LMAN1: variants seen among roughly 807,000 people sequenced by gnomAD.
The protein encoded by LMAN1 is lectin, mannose binding 1.
Under a neutral mutation model 67.8 loss-of-function variants are expected in LMAN1, and 32 were observed. That is an observed-to-expected ratio of 0.47 (90% CI 0.36 to 0.63). The LOEUF is 0.63. LMAN1 is among the 30% of genes least tolerant of loss of function. LMAN1 has a pLI of 0.00. For synonymous variants in LMAN1, 235 were observed against 219.3 expected (o/e 1.07, Z -0.63); for missense variants, 632 against 628.2 (o/e 1.01, Z -0.06).
chr18:59,328,539 CA>C lies in LMAN1; in HGVS notation c.*2553del, dbSNP rs1774968347. ...TGACAATAAAAATATATTATCTTCTCAGCTCAGCTCTAAATTAACAAAACAC... is the reference window on the plus strand; with the variant it reads ...TGACAATAAAAATATATTATCTTCTCGCTCAGCTCTAAATTAACAAAACAC... On this transcript the variant is annotated 3_prime_UTR_variant, in exon 13 of 13. Transcript: ENST00000251047. The C allele has an allele frequency of 1.3e-5, 2 of 152,296 alleles. No individual in the cohort carries two copies. Among genetic ancestry groups the C allele is most frequent in the African/African-American group, 4.8e-5 (2 of 41,560 alleles). 9.4% of individuals were successfully genotyped at this position (152,296 alleles called of 1,614,324 possible). A position where few individuals can be genotyped will look rare whatever the true frequency, so the allele number is the denominator to read the frequency against.
Position 59,331,595 on chromosome 18 carries a change from A to G in LMAN1, c.1375-56T>C. On this transcript the variant is annotated intron_variant, in intron 11 of 12. Coordinates refer to ENST00000251047, the MANE Select transcript of LMAN1 (RefSeq NM_005570.4). ...AGTCAAAATAGCAGTTTGGAAAAAG[A>G]AATAAATGTGAAATCTTTATAAAAC... is the stretch of plus-strand genomic sequence containing the variant. 6 of 1,571,620 alleles carry G rather than the reference A, an allele frequency of 3.8e-6. 1 individual carries two copies. In the South Asian group the frequency reaches 6.7e-5, roughly 17 times the overall value.
chr18:59,348,523 G>A (rs1908471081), intron 6 of LMAN1, among the ~76,000 whole-genome samples: 1 of 152,164 alleles, frequency 6.6e-6, no homozygotes, highest in South Asian at 2.1e-4. Flanking sequence ...TGGGTTGTCA[G>A]GAACAATCCA....
At chr18:59,332,726 G>T (rs775035177) in intron 11 of LMAN1, among the ~76,000 whole-genome samples, 1 of 152,080 alleles carries the variant, frequency 6.6e-6, no homozygotes, top group Non-Finnish European at 1.5e-5. Flanking sequence ...GAAGGTAAAT[G>T]AAGCTAACAA....
intron 11 of LMAN1, among the ~76,000 whole-genome samples, chr18:59,332,532 T>C (rs938690675): frequency 1.3e-5 from 2 of 152,128 alleles, no homozygotes; most frequent in African/African-American, 4.8e-5. Flanking sequence ...CTAAAGGTCA[T>C]CAAACGTTTT....
chr18:59,352,886 G>C (rs1908574504), intron 5 of LMAN1: 1 of 356,616 alleles, frequency 2.8e-6, no homozygotes, highest in African/African-American at 2.1e-5. Flanking sequence ...TTTGTATCCT[G>C]AAGGCTTGGA....
At chr18:59,331,898 C>A (rs1401322736) in intron 11 of LMAN1, among the ~76,000 whole-genome samples, 1 of 152,124 alleles carries the variant, frequency 6.6e-6, no homozygotes, top group African/African-American at 2.4e-5. Flanking sequence ...ATTATTAGCA[C>A]CCCTTCATTC....
chr18:59,347,851 T>C (rs981320436), intron 6 of LMAN1, among the ~76,000 whole-genome samples: 1 of 152,210 alleles, frequency 6.6e-6, no homozygotes, highest in African/African-American at 2.4e-5. Flanking sequence ...TTAATCAATG[T>C]TTGATAAGAA....
rs1184350937 is a variant in LMAN1, at chr18:59,328,383, C to T, written c.*2710G>A. 2.0e-5 allele frequency: 3 copies of T among 152,030 alleles called. No homozygotes were observed. Among genetic ancestry groups the T allele is most frequent in the Admixed American group, 2.0e-4 (3 of 15,256 alleles). 9.4% of individuals were successfully genotyped at this position (152,030 alleles called of 1,614,324 possible). On this transcript the variant is annotated 3_prime_UTR_variant, in exon 13 of 13. Coordinates refer to ENST00000251047, the MANE Select transcript of LMAN1 (RefSeq NM_005570.4). The stretch of plus-strand genomic sequence containing the variant: ...GATTTCATAAGATTAAAAGCCATCA[C>T]GAAAATACTGAAAGCAACAGGTAAT...
chr18:59,354,239 G>T (rs1171010733), intron 4 of LMAN1, among the ~76,000 whole-genome samples: 1 of 152,114 alleles, frequency 6.6e-6, no homozygotes, highest in Non-Finnish European at 1.5e-5. Context: ...TGGCATCACT[G>T]AGAGCCAGGA....
chr18:59,333,696 T>G (rs1019209166), intron 10 of LMAN1: 2 of 156,528 alleles, frequency 1.3e-5, no homozygotes, highest in Non-Finnish European at 2.8e-5. Flanking sequence ...CAGCATATAG[T>G]AGGAGGCTAA....
intron 10 of LMAN1, among the ~76,000 whole-genome samples, chr18:59,335,875 C>T (rs548769629): frequency 1.7e-4 from 26 of 152,258 alleles, no homozygotes; most frequent in African/African-American, 2.9e-4. Flanking sequence ...CACAGGGATA[C>T]GAGCTAACAA....
intron 8 of LMAN1, among the ~76,000 whole-genome samples, chr18:59,342,471 C>T (rs546336367): frequency 2.6e-5 from 4 of 152,074 alleles, no homozygotes; most frequent in African/African-American, 4.8e-5. Context: ...TAATACAGCA[C>T]GATCAAGGTG....
intron 5 of LMAN1, among the ~76,000 whole-genome samples, chr18:59,352,321 C>T (rs1908561468): frequency 6.6e-6 from 1 of 152,172 alleles, no homozygotes; most frequent in Admixed American, 6.5e-5. Context: ...CTCCTTGACT[C>T]AACAACTGTG....
chr18:59,331,708 G>T, intron 11 of LMAN1, 169 bp from the exon 12 acceptor site: 1 of 682,720 alleles, frequency 1.5e-6, no homozygotes, highest in Non-Finnish European at 2.4e-6. Flanking sequence ...TGTTTTTGAA[G>T]GAGTAGTTGA....
At chr18:59,357,742 T>G (rs1908691209) in intron 1 of LMAN1, among the ~76,000 whole-genome samples, 1 of 152,200 alleles carries the variant, frequency 6.6e-6, no homozygotes, top group Admixed American at 6.5e-5. Context: ...ATTCAGTAAT[T>G]ACTTTCTAGA....
intron 1 of LMAN1, among the ~76,000 whole-genome samples, chr18:59,358,373 G>A (rs1336346123): frequency 2.6e-5 from 4 of 152,176 alleles, no homozygotes; most frequent in Admixed American, 2.6e-4. Context: ...TACATAATGT[G>A]TTACTACGAG....
chr18:59,342,502 A>C (rs1908310268), intron 8 of LMAN1, among the ~76,000 whole-genome samples: 1 of 152,182 alleles, frequency 6.6e-6, no homozygotes, highest in Non-Finnish European at 1.5e-5. Flanking sequence ...CAGGGATGCA[A>C]GGAGGGTTCA....
intron 10 of LMAN1, among the ~76,000 whole-genome samples, chr18:59,334,215 T>C (rs1315009770): frequency 6.6e-6 from 1 of 152,260 alleles, no homozygotes. Flanking sequence ...TAGGTATAAA[T>C]GTCTTTTTAA....
At chr18:59,353,164 A>G in intron 5 of LMAN1, 38 bp downstream of exon 5, 5 of 1,511,936 alleles carry the variant, frequency 3.3e-6, no homozygotes, top group Non-Finnish European at 4.6e-6. Context: ...ATACTGTAAC[A>G]TTGTTTATTT....
Sources: gnomAD v4.1 joint callset for allele counts (sites outside exome capture counted in the v4.1 genomes callset) on GRCh38, gnomAD v4.1.1 for gene constraint, MANE v1.5 for transcripts, NCBI Gene and HGNC (gene_info 2026-07-23, HGNC 2026-07-21) for gene names.